Variants in DPF2 observed in about 807,000 individuals in gnomAD.
DPF2 encodes zinc finger protein ubi-d4.
DPF2 carries 10 observed loss-of-function variants against 59.6 expected under a neutral mutation model. The ratio of observed to expected loss-of-function variants is 0.17; its 90% CI spans 0.10 to 0.28. DPF2 has a LOEUF of 0.28. Ranked by LOEUF, DPF2 falls within the 10% of genes least tolerant of loss-of-function variation. DPF2 has a pLI of 1.00. For missense variants in DPF2, 315 were observed against 509.4 expected (o/e 0.62, Z 3.67); for synonymous variants, 189 against 190.6 (o/e 0.99, Z 0.07).
At chr11:65,348,711 G>A in intron 9 of DPF2, 139 bp from the exon 10 acceptor site, 2 of 695,996 alleles carry the variant, frequency 2.9e-6, no homozygotes, top group Non-Finnish European at 4.9e-6. Context: ...GGTGGAGAGG[G>A]GCAGCATGGT....
At chr11:65,348,587 A>C in intron 9 of DPF2, 1 of 413,410 alleles carries the variant, frequency 2.4e-6, no homozygotes, top group East Asian at 4.2e-5. Flanking sequence ...TCAAAAAAAT[A>C]TACCATAGAG....
At chr11:65,339,280 C>G (rs1272090668) in intron 1 of DPF2, among the ~76,000 whole-genome samples, 1 of 151,650 alleles carries the variant, frequency 6.6e-6, no homozygotes, top group Admixed American at 6.6e-5. Flanking sequence ...AATATAAGAT[C>G]GAGTTTGTTA....
chr11:65,343,710 T>G lies in DPF2; in HGVS notation c.466-35T>G, dbSNP rs368370361. ...TCATAGGGGAGCTTTTGGATGCACA[T>G]ATTTCTACCCATGCTAACCCTCCTG... is the stretch of plus-strand genomic sequence containing the variant. On this transcript the variant is annotated intron_variant, in intron 4 of 10. Coordinates refer to ENST00000528416, the MANE Select transcript of DPF2 (RefSeq NM_006268.5). The G allele has an allele frequency of 3.5e-5, 55 of 1,561,218 alleles. No individual in the cohort carries two copies. The African/African-American group carries it at 6.2e-4, about 18-fold the overall frequency.
chr11:65,345,661 C>T lies in DPF2; in HGVS notation c.638-5C>T. ...ACCTTTCTCTGCAATCTTCTTCCCA[C>T]TCAGTTTGTGGAAAACGTTACAAGA... On this transcript the variant is annotated splice_polypyrimidine_tract_variant and splice_region_variant and intron_variant, in intron 6 of 10. Transcript: ENST00000528416. 1.2e-6 allele frequency: 2 copies of T among 1,614,120 alleles called. No individual in the cohort carries two copies. The highest frequency in any genetic ancestry group is 2.2e-5 in the East Asian group (1 of 44,884).
intron 9 of DPF2, 34 bp downstream of exon 9, chr11:65,346,393 C>T (rs1463176040): frequency 1.3e-6 from 2 of 1,586,324 alleles, no homozygotes; most frequent in Admixed American, 3.4e-5. Flanking sequence ...AGCATGGCTC[C>T]TTCTGGGCTT....
At chr11:65,351,175 A>G (rs1040702651) in intron 10 of DPF2, among the ~76,000 whole-genome samples, 2 of 152,148 alleles carry the variant, frequency 1.3e-5, no homozygotes, top group African/African-American at 2.4e-5. Flanking sequence ...ATAATGTCCA[A>G]ATGCGCATAG....
At chr11:65,339,132 G>C (rs1412587499) in intron 1 of DPF2, among the ~76,000 whole-genome samples, 1 of 151,926 alleles carries the variant, frequency 6.6e-6, no homozygotes, top group African/African-American at 2.4e-5. Flanking sequence ...TTGACGCCAG[G>C]TACTGTGACA....
At chr11:65,337,547 A>AGAGGGG in intron 1 of DPF2, among the ~76,000 whole-genome samples, 1 of 131,692 alleles carries the variant, frequency 7.6e-6, no homozygotes, top group East Asian at 2.2e-4. Flanking sequence ...AGAGAGAGAG[A>AGAGGGG]ACAATGTTAA....
intron 1 of DPF2, among the ~76,000 whole-genome samples, chr11:65,339,813 A>G (rs767124481): frequency 2.6e-5 from 4 of 152,200 alleles, no homozygotes; most frequent in Non-Finnish European, 5.9e-5. Context: ...ATTGTTTAAT[A>G]TCAGTATGTG....
Position 65,346,266 on chromosome 11 carries a change from A to G in DPF2, c.924A>G (p.Gln308=), listed in dbSNP as rs200480588. ...CGRSGHPSCL[Q]FTPVMMAAVK... The stretch of plus-strand genomic sequence containing the variant: ...CTACAGGGCATCCATCTTGCCTCCA[A>G]TTTACCCCCGTGATGATGGCGGCAG... The change falls in exon 9 of 11, where the codon CAA becomes CAG. Residue 308 remains glutamine (Q), a synonymous_variant. Transcript: ENST00000528416. 126 of 1,613,540 alleles carry G rather than the reference A, an allele frequency of 7.8e-5. 1 individual carries two copies. Among genetic ancestry groups the G allele is most frequent in the Middle Eastern group, 6.6e-4 (4 of 6,062 alleles).
chr11:65,340,570 G>A, intron 2 of DPF2, 25 bp downstream of exon 2: 1 of 1,612,658 alleles, frequency 6.2e-7, no homozygotes, highest in Non-Finnish European at 8.5e-7. Context: ...TTGGGAGAAG[G>A]GGACTCAGGA....
At chr11:65,341,111 T>A in intron 3 of DPF2, 38 bp downstream of exon 3, 1 of 1,602,392 alleles carries the variant, frequency 6.2e-7, no homozygotes, top group Non-Finnish European at 8.5e-7. Flanking sequence ...CGTGGCCTGC[T>A]GCATGGTGAG....
Position 65,345,711 on chromosome 11 carries a change from A to G in DPF2, c.683A>G (p.Tyr228Cys). 2 of 1,614,168 alleles carry G rather than the reference A, an allele frequency of 1.2e-6. No individual in the cohort carries two copies. Among genetic ancestry groups the G allele is most frequent in the Non-Finnish European group, 8.5e-7 (1 of 1,180,010 alleles). Residue 228 changes from tyrosine (Y) to cysteine (C), a missense_variant, in exon 7 of 11, where the codon TAT becomes TGT. Physicochemically the swap from Tyr to Cys is radical, Grantham distance 194 (BLOSUM62 -2). Coordinates refer to ENST00000528416, the MANE Select transcript of DPF2 (RefSeq NM_006268.5). ...AACCGACCAGGCCTCAGTTACCACT[A>G]TGCCCACTCCCACTTGGCTGAGGAG... ...YKNRPGLSYH[Y>C]AHSHLAEEEG...
rs141478728 is a variant in DPF2, at chr11:65,337,844, G to A, written c.33-2541G>A. Among the ~76,000 whole-genome samples, 961 of 151,808 alleles carry A rather than the reference G, an allele frequency of 6.3e-3. 8 individuals carry two copies. Among genetic ancestry groups the A allele is most frequent in the African/African-American group, 0.022 (897 of 41,366 alleles). Reference sequence around the variant, plus strand: ...TTTGAGACAGAGTTTCGCTCTTGTTGCCCAGGCTGGAGTGCAATGGCGCAA... The same window carrying A: ...TTTGAGACAGAGTTTCGCTCTTGTTACCCAGGCTGGAGTGCAATGGCGCAA... On this transcript the variant is annotated intron_variant, in intron 1 of 10. Coordinates refer to ENST00000528416, the MANE Select transcript of DPF2 (RefSeq NM_006268.5).
Position 65,343,728 on chromosome 11 carries a change from C to T in DPF2, c.466-17C>T. 1 of 1,579,738 alleles carries T rather than the reference C, an allele frequency of 6.3e-7. No homozygotes were observed. Among genetic ancestry groups the T allele is most frequent in the Non-Finnish European group, 8.6e-7 (1 of 1,162,894 alleles). ...ATGCACATATTTCTACCCATGCTAA[C>T]CCTCCTGTCCACTCAGCGGATCCTA... is the stretch of plus-strand genomic sequence containing the variant. On this transcript the variant is annotated splice_polypyrimidine_tract_variant and intron_variant, in intron 4 of 10. Coordinates refer to ENST00000528416, the MANE Select transcript of DPF2 (RefSeq NM_006268.5).
intron 10 of DPF2, among the ~76,000 whole-genome samples, chr11:65,351,158 C>T (rs182517413): frequency 6.6e-6 from 1 of 152,146 alleles, no homozygotes; most frequent in East Asian, 1.9e-4. Flanking sequence ...CTGATAAAAG[C>T]CCTAGAATAA....
chr11:65,348,906 C>T lies in DPF2; in HGVS notation c.1074C>T (p.Thr358=), dbSNP rs1213045403. The T allele has an allele frequency of 6.2e-7, 1 of 1,614,136 alleles. No homozygotes were observed. ...GTGGCTACCACATGTACTGTCTCAC[C>T]CCGTCCATGTCTGAGCCCCCTGAAG... ...CDRGYHMYCL[T]PSMSEPPEGS... is the part of the protein sequence containing the mutation. Residue 358 remains threonine (T), a synonymous_variant, in exon 10 of 11, where the codon ACC becomes ACT. Coordinates refer to ENST00000528416, the MANE Select transcript of DPF2 (RefSeq NM_006268.5).
At chr11:65,343,629 T>C in intron 4 of DPF2, 116 bp from the exon 5 acceptor site, 2 of 856,264 alleles carry the variant, frequency 2.3e-6, no homozygotes, top group East Asian at 5.3e-5. Context: ...GGAATGAGGC[T>C]GGTGTGGGTG....
Position 65,344,843 on chromosome 11 carries a change from C to T in DPF2, c.637+774C>T, listed in dbSNP as rs191841498. On this transcript the variant is annotated intron_variant, in intron 6 of 10. Transcript: ENST00000528416. The stretch of plus-strand genomic sequence containing the variant: ...CAAACCTGCTCCTAGAGCTGCTCGG[C>T]CCAGTGCATGGGGTGGCTTCAGAAG... 42 of 575,680 alleles carry T rather than the reference C, an allele frequency of 7.3e-5. 1 individual carries two copies. The Admixed American group carries it at 1.0e-3, about 14-fold the overall frequency. 35.7% of individuals were successfully genotyped at this position (575,680 alleles called of 1,614,324 possible).
Sources: allele counts gnomAD v4.1 joint callset (sites outside exome capture counted in the v4.1 genomes callset), GRCh38; gene constraint gnomAD v4.1.1; transcripts MANE v1.5; gene names NCBI Gene and HGNC (gene_info 2026-07-23, HGNC 2026-07-21).